Variants in PDE10A observed in about 807,000 individuals in gnomAD.
The protein encoded by PDE10A is phosphodiesterase 10A, also known as cAMP and cAMP-inhibited cGMP 3',5'-cyclic phosphodiesterase 10A.
Under a neutral mutation model 97.7 loss-of-function variants are expected in PDE10A, and 39 were observed. That is an observed-to-expected ratio of 0.40 (90% CI 0.31 to 0.52). PDE10A has a LOEUF of 0.52. Among genes scored for constraint, PDE10A ranks in the 20% least tolerant of loss-of-function variants. The probability of loss-of-function intolerance (pLI) is 0.56; values close to 1 mark genes in which losing one functional copy is unlikely to be tolerated. For missense variants in PDE10A, 731 were observed against 1,047.8 expected (o/e 0.70, Z 4.17); for synonymous variants, 371 against 376.8 (o/e 0.98, Z 0.18).
intron 1 of PDE10A, among the ~76,000 whole-genome samples, chr6:165,635,458 T>C (rs564888886): frequency 6.7e-6 from 1 of 148,478 alleles, no homozygotes; most frequent in African/African-American, 2.4e-5. Context: ...ATGGTGCAAG[T>C]CAAGTGGGGT....
chr6:165,478,395 G>A (rs1779412868), intron 3 of PDE10A, among the ~76,000 whole-genome samples: 1 of 152,186 alleles, frequency 6.6e-6, no homozygotes, highest in East Asian at 1.9e-4. Context: ...TCTAGTTCAG[G>A]CAATGATGGG....
chr6:165,717,506 C>T (rs564968061), intron 1 of PDE10A, among the ~76,000 whole-genome samples: 143 of 152,032 alleles, frequency 9.4e-4, no homozygotes, highest in African/African-American at 3.3e-3. Context: ...ATTGCTTGAA[C>T]CTGGGAGGCG....
intron 1 of PDE10A, among the ~76,000 whole-genome samples, chr6:165,957,384 G>A (rs1020226054): frequency 5.9e-5 from 9 of 152,054 alleles, no homozygotes; most frequent in African/African-American, 1.7e-4. Context: ...GGGAGGCTAA[G>A]GTGAGAGAAT....
intron 1 of PDE10A, among the ~76,000 whole-genome samples, chr6:165,632,904 T>C (rs1232255519): frequency 6.6e-6 from 1 of 152,068 alleles, no homozygotes; most frequent in Admixed American, 6.5e-5. Context: ...TTTGCCAAGA[T>C]GGGATCCCAG....
chr6:165,600,686 T>C (rs1376400916), intron 1 of PDE10A, among the ~76,000 whole-genome samples: 3 of 152,214 alleles, frequency 2.0e-5, no homozygotes, highest in African/African-American at 7.2e-5. Context: ...AGATTTACAT[T>C]TGCAGCTTTC....
At chr6:165,518,178 A>C (rs1192051336) in intron 2 of PDE10A, among the ~76,000 whole-genome samples, 1 of 151,476 alleles carries the variant, frequency 6.6e-6, no homozygotes, top group Non-Finnish European at 1.5e-5. Context: ...AAATTATGAG[A>C]GCAGAACAAA....
intron 1 of PDE10A, among the ~76,000 whole-genome samples, chr6:165,864,840 T>C (rs527262951): frequency 6.6e-6 from 1 of 152,338 alleles, no homozygotes; most frequent in Admixed American, 6.5e-5. Flanking sequence ...ATTTCAATAA[T>C]AGGAAAATGC....
At chr6:165,441,437 A>C (rs191290755) in intron 5 of PDE10A, among the ~76,000 whole-genome samples, 82 of 152,344 alleles carry the variant, frequency 5.4e-4, no homozygotes, top group African/African-American at 1.8e-3. Flanking sequence ...TTTGTTAAAC[A>C]AACAGCATTT....
At chr6:165,517,974 G>C (rs145601311) in intron 2 of PDE10A, among the ~76,000 whole-genome samples, 1 of 152,180 alleles carries the variant, frequency 6.6e-6, no homozygotes, top group Non-Finnish European at 1.5e-5. Flanking sequence ...TCCCATTTTA[G>C]GTATGAGAAG....
chr6:165,565,175 G>A (rs1784713903), intron 1 of PDE10A, among the ~76,000 whole-genome samples: 1 of 152,182 alleles, frequency 6.6e-6, no homozygotes. Flanking sequence ...GTTCACAGAT[G>A]ACATGACTGT....
At chr6:165,864,893 G>T (rs1780998193) in intron 1 of PDE10A, among the ~76,000 whole-genome samples, 1 of 152,218 alleles carries the variant, frequency 6.6e-6, no homozygotes, top group Admixed American at 6.5e-5. Context: ...ATAATACTAT[G>T]TGTACAGCAT....
intron 1 of PDE10A, among the ~76,000 whole-genome samples, chr6:165,854,974 G>A (rs140895592): frequency 0.011 from 1,606 of 151,960 alleles, 7 homozygotes; most frequent in Middle Eastern, 0.031. Flanking sequence ...TTTAGGCGCG[G>A]GGGAAGAGGA....
chr6:165,980,006 T>C (rs1034623787), intron 1 of PDE10A, among the ~76,000 whole-genome samples: 1 of 152,234 alleles, frequency 6.6e-6, no homozygotes, highest in Non-Finnish European at 1.5e-5. Context: ...GTATTGTTAC[T>C]GAGATGGATG....
chr6:165,337,080 C>T (rs1358957396), intron 20 of PDE10A, among the ~76,000 whole-genome samples: 2 of 152,088 alleles, frequency 1.3e-5, no homozygotes, highest in African/African-American at 4.8e-5. Context: ...GGTTTTATCA[C>T]AGCTCTTCCC....
chr6:165,980,882 C>A (rs571485396), intron 1 of PDE10A, among the ~76,000 whole-genome samples: 1 of 152,252 alleles, frequency 6.6e-6, no homozygotes, highest in Admixed American at 6.5e-5. Flanking sequence ...AATTTCATGT[C>A]ACGGTTGGGC....
intron 1 of PDE10A, among the ~76,000 whole-genome samples, chr6:165,932,812 G>C (rs189521274): frequency 6.6e-6 from 1 of 152,184 alleles, no homozygotes; most frequent in Admixed American, 6.5e-5. Context: ...ATGAGTTTCC[G>C]GGGGGCTTAG....
chr6:165,655,269 G>A lies in PDE10A; in HGVS notation c.865+6678C>T, dbSNP rs1011034674. ...CAGTTTCTATGCTGCAGTCTTGAAC[G>A]ATCCTTTGGATCAAATCCTCCCAGG... is the stretch of plus-strand genomic sequence containing the variant. On this transcript the variant is annotated intron_variant, in intron 1 of 21. Coordinates refer to ENST00000539869, the MANE Select transcript of PDE10A (RefSeq NM_001385079.1). The surrounding 1 kb of genome is among the most constrained non-coding windows in gnomAD (Gnocchi z 4.5). Among the ~76,000 whole-genome samples the A allele has an allele frequency of 2.0e-5, 3 of 152,096 alleles. No homozygotes were observed. The highest frequency in any genetic ancestry group is 2.9e-5 in the Non-Finnish European group (2 of 68,010).
chr6:165,712,764 G>A (rs1042189231), intron 1 of PDE10A, among the ~76,000 whole-genome samples: 5 of 149,814 alleles, frequency 3.3e-5, no homozygotes, highest in Non-Finnish European at 5.9e-5. Flanking sequence ...CTCAGCCTCC[G>A]GAGCATCTGG....
intron 2 of PDE10A, among the ~76,000 whole-genome samples, chr6:165,542,973 G>C (rs1036910742): frequency 6.6e-6 from 1 of 152,150 alleles, no homozygotes; most frequent in Non-Finnish European, 1.5e-5. Flanking sequence ...TAGAGTCTGA[G>C]TGTGAATGAA....
Sources: gnomAD v4.1 joint callset for allele counts (sites outside exome capture counted in the v4.1 genomes callset) on GRCh38, gnomAD v4.1.1 for gene constraint, Gnocchi (gnomAD v3.1) non-coding constraint, MANE v1.5 for transcripts, NCBI Gene and HGNC (gene_info 2026-07-23, HGNC 2026-07-21) for gene names.